FHIT: variants seen among roughly 807,000 people sequenced by gnomAD.
The protein encoded by FHIT is bis(5'-adenosyl)-triphosphatase.
Under a neutral mutation model 17.9 loss-of-function variants are expected in FHIT, and 19 were observed. That is an observed-to-expected ratio of 1.06 (90% CI 0.74 to 1.56). The LOEUF is 1.56. Ranked by LOEUF, FHIT falls within the 40% of genes most tolerant of loss-of-function variation. The probability of loss-of-function intolerance (pLI) is 0.00; values close to 1 mark genes in which losing one functional copy is unlikely to be tolerated. For missense variants in FHIT, 248 were observed against 189.2 expected, an observed-to-expected ratio of 1.31 and a Z score of -1.82; for synonymous variants, 81 against 69.7, an observed-to-expected ratio of 1.16 and a Z score of -0.81.
chr3:60,811,847 T>C (rs1341574447), intron 4 of FHIT, among the ~76,000 whole-genome samples: 2 of 152,178 alleles, frequency 1.3e-5, no homozygotes, highest in African/African-American at 2.4e-5. Context: ...TCTAAGATCA[T>C]TGTAAAGATT....
chr3:60,798,121 G>A lies in FHIT; in HGVS notation c.-18+23798C>T, dbSNP rs543080355. 6.6e-5 allele frequency among the ~76,000 whole-genome samples: 10 copies of A among 152,188 alleles called. No individual in the cohort carries two copies. The South Asian group carries it at 1.7e-3, about 25-fold the overall frequency. ...CTCTGTCACTGCCCTAGCACAAAAG[G>A]AATCACAGACAATGCATAAGTGAAT... On this transcript the variant is annotated intron_variant, in intron 4 of 9. Transcript: ENST00000492590.
chr3:60,595,574 TATACGCAC>T (rs1261508039), intron 4 of FHIT, among the ~76,000 whole-genome samples: 1 of 151,454 alleles, frequency 6.6e-6, no homozygotes, highest in Non-Finnish European at 1.5e-5. Flanking sequence ...TGTATATATA[TATACGCAC>T]ATACGTATGT....
intron 3 of FHIT, among the ~76,000 whole-genome samples, chr3:60,980,531 A>C (rs999948887): frequency 1.3e-5 from 2 of 152,208 alleles, no homozygotes; most frequent in African/African-American, 4.8e-5. Context: ...TTATCACAGA[A>C]AATGAAAATC....
rs986654774 is a variant in FHIT, at chr3:60,537,473, C to A, written c.-17-494G>T. 18 of 983,396 alleles carry A rather than the reference C, an allele frequency of 1.8e-5. No individual in the cohort carries two copies. In the African/African-American group the frequency reaches 3.1e-4, roughly 17 times the overall value. 60.9% of individuals were successfully genotyped at this position (983,396 alleles called of 1,614,324 possible). On this transcript the variant is annotated intron_variant, in intron 4 of 9. Transcript: ENST00000492590. ...CACTGTCTGACCTTGCCTACAATTA[C>A]AAAAACATGAGCACTTCCAGAGAAC...
chr3:60,441,785 T>A (rs1205948705), intron 5 of FHIT, among the ~76,000 whole-genome samples: 2 of 75,394 alleles, frequency 2.7e-5, no homozygotes, highest in African/African-American at 1.4e-4. Context: ...TGTATAAAAA[T>A]ATATATATAT....
At chr3:60,089,380 C>A (rs571806672) in intron 5 of FHIT, among the ~76,000 whole-genome samples, 1 of 152,082 alleles carries the variant, frequency 6.6e-6, no homozygotes, top group African/African-American at 2.4e-5. Flanking sequence ...GGGAAGGAAC[C>A]ATGATTCCCT....
intron 2 of FHIT, among the ~76,000 whole-genome samples, chr3:61,157,449 T>C (rs1041383546): frequency 6.6e-6 from 1 of 152,118 alleles, no homozygotes; most frequent in Admixed American, 6.6e-5. Flanking sequence ...AGGAACACCC[T>C]GGTAGTCAAA....
chr3:60,941,355 C>G (rs1708398820), intron 3 of FHIT, among the ~76,000 whole-genome samples: 1 of 152,168 alleles, frequency 6.6e-6, no homozygotes, highest in Non-Finnish European at 1.5e-5. Context: ...CATTTCTCTT[C>G]TATAATTTTC....
chr3:60,486,478 C>T (rs188222593), intron 5 of FHIT, among the ~76,000 whole-genome samples: 1 of 152,206 alleles, frequency 6.6e-6, no homozygotes, highest in African/African-American at 2.4e-5. Flanking sequence ...ATTAATCAGT[C>T]AGTTTAGGAT....
At chr3:60,830,658 T>C (rs1461862972) in intron 3 of FHIT, among the ~76,000 whole-genome samples, 2 of 152,224 alleles carry the variant, frequency 1.3e-5, no homozygotes, top group Non-Finnish European at 2.9e-5. Flanking sequence ...TATTAGTCCT[T>C]TGGTCTCTTC....
At chr3:61,245,163 T>C (rs892661403) in intron 1 of FHIT, among the ~76,000 whole-genome samples, 52 of 152,324 alleles carry the variant, frequency 3.4e-4, no homozygotes, top group African/African-American at 1.2e-3. Flanking sequence ...CTTGTGTTTT[T>C]TATTGACAAT....
At chr3:60,543,413 T>C (rs1271689413) in intron 4 of FHIT, among the ~76,000 whole-genome samples, 1 of 152,200 alleles carries the variant, frequency 6.6e-6, no homozygotes, top group African/African-American at 2.4e-5. Context: ...GAATTTAAAT[T>C]GTAAGATGGG....
intron 3 of FHIT, among the ~76,000 whole-genome samples, chr3:60,997,694 C>T (rs1384780837): frequency 6.6e-6 from 1 of 152,168 alleles, no homozygotes; most frequent in Non-Finnish European, 1.5e-5. Context: ...CTGATACTAG[C>T]CCTTGGTCTG....
chr3:59,905,114 C>A (rs549720811), intron 8 of FHIT, among the ~76,000 whole-genome samples: 1 of 152,326 alleles, frequency 6.6e-6, no homozygotes, highest in South Asian at 2.1e-4. Context: ...GGGACCCACC[C>A]CTATCTGCCT....
At chr3:60,194,303 C>A (rs559515729) in intron 5 of FHIT, among the ~76,000 whole-genome samples, 1 of 152,076 alleles carries the variant, frequency 6.6e-6, no homozygotes, top group Non-Finnish European at 1.5e-5. Context: ...ACCAAGTGAT[C>A]TGAAACAAAG....
intron 3 of FHIT, among the ~76,000 whole-genome samples, chr3:60,861,171 T>A (rs1235021201): frequency 1.9e-3 from 1 of 528 alleles, no homozygotes; most frequent in African/African-American, 4.1e-3. Context: ...ATATCATATG[T>A]TCTATGATAT....
intron 4 of FHIT, among the ~76,000 whole-genome samples, chr3:60,654,278 C>T (rs1553689060): frequency 6.6e-6 from 1 of 152,126 alleles, no homozygotes; most frequent in Non-Finnish European, 1.5e-5. Flanking sequence ...TGGCCTAATA[C>T]ACACCCTTTC....
At chr3:60,346,032 C>T (rs578223270) in intron 5 of FHIT, among the ~76,000 whole-genome samples, 1 of 152,176 alleles carries the variant, frequency 6.6e-6, no homozygotes, top group Non-Finnish European at 1.5e-5. Context: ...TTTAAGATTT[C>T]ATTTCCACCA....
intron 4 of FHIT, among the ~76,000 whole-genome samples, chr3:60,739,049 G>A (rs1472017378): frequency 2.6e-5 from 4 of 152,162 alleles, no homozygotes; most frequent in African/African-American, 7.2e-5. Context: ...TCAGCTGGGG[G>A]CAGTCGGAGA....
Sources: allele counts gnomAD v4.1 joint callset (sites outside exome capture counted in the v4.1 genomes callset), GRCh38; gene constraint gnomAD v4.1.1; transcripts MANE v1.5; gene names NCBI Gene and HGNC (gene_info 2026-07-23, HGNC 2026-07-21).